Variants in GPC1 observed in about 807,000 individuals in gnomAD.
GPC1 encodes glypican-1.
In GPC1, 26 loss-of-function variants were observed where a neutral mutation model predicts 51.5. That is an observed-to-expected ratio of 0.50 (90% confidence interval 0.37 to 0.70). GPC1 has a LOEUF of 0.70. Among genes scored for constraint, GPC1 ranks in the 30% least tolerant of loss-of-function variants. GPC1 has a pLI of 0.00. For synonymous variants in GPC1, 380 were observed against 348.3 expected (o/e 1.09, Z -1.01); for missense variants, 775 against 800.5 (o/e 0.97, Z 0.38).
intron 8 of GPC1, 145 bp from the exon 9 acceptor site, chr2:240,465,913 G>A: frequency 3.2e-6 from 2 of 626,494 alleles, no homozygotes; most frequent in Admixed American, 5.5e-5. Context: ...CCCAGCCTCA[G>A]GGGTCAGCGG....
chr2:240,453,042 C>A, intron 1 of GPC1: 1 of 341,620 alleles, frequency 2.9e-6, no homozygotes, highest in Non-Finnish European at 5.7e-6. Flanking sequence ...TCCGCCGCCG[C>A]GCTGGAAGCC....
intron 2 of GPC1, among the ~76,000 whole-genome samples, chr2:240,460,129 CAGG>C: frequency 6.6e-6 from 1 of 152,096 alleles, no homozygotes; most frequent in Non-Finnish European, 1.5e-5. Context: ...TGCCTGTCCC[CAGG>C]AGCCCCCAAG....
chr2:240,451,099 C>T (rs3828336), intron 1 of GPC1: 126,889 of 470,124 alleles, frequency 0.27, 18,266 homozygotes, highest in South Asian at 0.32. Flanking sequence ...GGTGAGCGGC[C>T]GAGTTCCTTT....
chr2:240,458,344 G>A (rs1048422441), intron 1 of GPC1: 14 of 276,126 alleles, frequency 5.1e-5, no homozygotes, highest in Admixed American at 3.2e-4. Flanking sequence ...TCACTGCCTC[G>A]GACGCTGGAG....
At chr2:240,459,682 T>G (rs1333597671) in intron 2 of GPC1, among the ~76,000 whole-genome samples, 1 of 152,028 alleles carries the variant, frequency 6.6e-6, no homozygotes, top group Non-Finnish European at 1.5e-5. Context: ...CTCAGCCCTT[T>G]ATATCGGGGC....
chr2:240,459,967 G>A (rs1280719142), intron 2 of GPC1, among the ~76,000 whole-genome samples: 2 of 152,146 alleles, frequency 1.3e-5, no homozygotes, highest in Admixed American at 6.5e-5. Context: ...GTGAGCCTGG[G>A]CAGACAGGAG....
intron 2 of GPC1, among the ~76,000 whole-genome samples, chr2:240,460,424 G>C (rs2074206503): frequency 6.6e-6 from 1 of 152,078 alleles, no homozygotes; most frequent in Admixed American, 6.5e-5. Context: ...TCTATCCTGG[G>C]CCTCAGTTTC....
chr2:240,462,933 GGCA>G (rs1417143019), intron 3 of GPC1, among the ~76,000 whole-genome samples: 1 of 152,174 alleles, frequency 6.6e-6, no homozygotes, highest in East Asian at 1.9e-4. Flanking sequence ...GTGGGGGCCG[GGCA>G]GGGTGGGGCC....
chr2:240,437,749 G>A (rs1271830387), intron 1 of GPC1, among the ~76,000 whole-genome samples: 1 of 152,134 alleles, frequency 6.6e-6, no homozygotes, highest in African/African-American at 2.4e-5. Flanking sequence ...CCAGCCCAGA[G>A]TCTTGAACCC....
At chr2:240,450,729 T>G (rs1392550208) in intron 1 of GPC1, 6 of 468,926 alleles carry the variant, frequency 1.3e-5, no homozygotes, top group Admixed American at 2.4e-5. Flanking sequence ...TCGTGTTCGC[T>G]CCAGTGCCAA....
chr2:240,455,829 C>T (rs953577907), intron 1 of GPC1, among the ~76,000 whole-genome samples: 1 of 152,224 alleles, frequency 6.6e-6, no homozygotes, highest in African/African-American at 2.4e-5. Flanking sequence ...CAACCTGTGG[C>T]CCCGGCCTGC....
At chr2:240,457,922 CCCA>C (rs1323014685) in intron 1 of GPC1, 1 of 391,752 alleles carries the variant, frequency 2.6e-6, no homozygotes, top group African/African-American at 2.1e-5. Context: ...CCCCCTTGAC[CCCA>C]CCCCTCTGAC....
intron 1 of GPC1, among the ~76,000 whole-genome samples, chr2:240,455,367 A>G (rs948668154): frequency 6.6e-6 from 1 of 152,330 alleles, no homozygotes; most frequent in African/African-American, 2.4e-5. Context: ...GAGAGGGTCC[A>G]GTCCCTGGCC....
chr2:240,445,378 T>A (rs556469098), intron 1 of GPC1, among the ~76,000 whole-genome samples: 3 of 152,152 alleles, frequency 2.0e-5, no homozygotes, highest in African/African-American at 7.2e-5. Context: ...TGCTCTGGTG[T>A]TTAGTGGGTG....
intron 1 of GPC1, among the ~76,000 whole-genome samples, chr2:240,457,072 C>G (rs79351017): frequency 0.022 from 3,331 of 152,256 alleles, 110 homozygotes; most frequent in African/African-American, 0.076. Flanking sequence ...CTTGCCATTC[C>G]CGCTCTGTCT....
rs567968643 is a variant in GPC1, at chr2:240,441,691, C to T, written c.166+5607C>T. 9.5e-4 allele frequency among the ~76,000 whole-genome samples: 145 copies of T among 152,334 alleles called. No individual in the cohort carries two copies. In the Middle Eastern group the frequency reaches 0.01, roughly 11 times the overall value. On this transcript the variant is annotated intron_variant, in intron 1 of 8. Coordinates refer to ENST00000264039, the MANE Select transcript of GPC1 (RefSeq NM_002081.3). ...CTCCTCGCTGCCGTGCCTGTGGTGG[C>T]TTTTCTTTGTCTGGGAACAGGCCTG... is the stretch of plus-strand genomic sequence containing the variant.
intron 1 of GPC1, among the ~76,000 whole-genome samples, chr2:240,439,883 C>A (rs1296842167): frequency 6.6e-6 from 1 of 152,316 alleles, no homozygotes; most frequent in Non-Finnish European, 1.5e-5. Flanking sequence ...AGCGTGAGGA[C>A]CGAGCGGAGC....
At chr2:240,438,599 C>T (rs957071114) in intron 1 of GPC1, among the ~76,000 whole-genome samples, 8 of 152,182 alleles carry the variant, frequency 5.3e-5, no homozygotes, top group African/African-American at 1.4e-4. Flanking sequence ...CTCGCTGGCC[C>T]GGAGCAGGTG....
At chr2:240,445,657 G>A (rs2074044637) in intron 1 of GPC1, among the ~76,000 whole-genome samples, 1 of 152,104 alleles carries the variant, frequency 6.6e-6, no homozygotes, top group African/African-American at 2.4e-5. Context: ...GTAATTCATG[G>A]GCTTCATGAA....
Sources: allele counts gnomAD v4.1 joint callset (sites outside exome capture counted in the v4.1 genomes callset), GRCh38; gene constraint gnomAD v4.1.1; transcripts MANE v1.5; gene names NCBI Gene and HGNC (gene_info 2026-07-23, HGNC 2026-07-21).